The following DYNC1I1 variants were observed in gnomAD, a reference collection of about 807,000 sequenced individuals.
DYNC1I1 encodes cytoplasmic dynein 1 intermediate chain 1.
A neutral mutation model predicts 86.6 loss-of-function variants in DYNC1I1; 43 were observed. That is an observed-to-expected ratio of 0.50 (90% CI 0.39 to 0.64). The LOEUF is 0.64. Ranked by LOEUF, DYNC1I1 falls within the 30% of genes least tolerant of loss-of-function variation. The probability of loss-of-function intolerance (pLI) is 0.00; values close to 1 mark genes in which losing one functional copy is unlikely to be tolerated. For synonymous variants in DYNC1I1, 262 were observed against 283.7 expected, an observed-to-expected ratio of 0.92 and a Z score of 0.77; for missense variants, 604 against 788.8, an observed-to-expected ratio of 0.77 and a Z score of 2.81.
chr7:96,073,914 G>A (rs991755350), intron 14 of DYNC1I1, among the ~76,000 whole-genome samples: 3 of 152,126 alleles, frequency 2.0e-5, no homozygotes, highest in Admixed American at 6.5e-5. Flanking sequence ...AGGTGTCATT[G>A]GACAGTTAGG....
At chr7:95,941,126 C>T (rs1191986892) in intron 6 of DYNC1I1, among the ~76,000 whole-genome samples, 4 of 152,128 alleles carry the variant, frequency 2.6e-5, no homozygotes, top group East Asian at 1.9e-4. Flanking sequence ...TTTCGTGAAC[C>T]GCCTATGCTG....
intron 5 of DYNC1I1, among the ~76,000 whole-genome samples, chr7:95,833,627 G>C (rs1204743188): frequency 2.0e-5 from 3 of 149,190 alleles, no homozygotes; most frequent in Non-Finnish European, 3.0e-5. Context: ...CCATTTGTTT[G>C]TATCCTCTTT....
At chr7:96,102,703 C>T (rs1791153310), downstream of DYNC1I1, among the ~76,000 whole-genome samples, 1 of 152,160 alleles carries the variant, frequency 6.6e-6, no homozygotes, top group Non-Finnish European at 1.5e-5. Flanking sequence ...GCCATAAAAT[C>T]AGCAGATGCT....
chr7:95,790,661 T>A (rs1382450836), intron 1 of DYNC1I1, among the ~76,000 whole-genome samples: 3 of 152,178 alleles, frequency 2.0e-5, no homozygotes, highest in Non-Finnish European at 4.4e-5. Context: ...AGTGGGTGAC[T>A]ATGGCGAAGA....
chr7:95,794,962 T>C (rs1794399785), intron 1 of DYNC1I1, among the ~76,000 whole-genome samples: 1 of 152,206 alleles, frequency 6.6e-6, no homozygotes, highest in South Asian at 2.1e-4. Flanking sequence ...AAATAGTAGT[T>C]CTCTACAGCC....
chr7:96,085,017 A>T (rs1341184470), intron 16 of DYNC1I1, among the ~76,000 whole-genome samples: 2 of 152,146 alleles, frequency 1.3e-5, no homozygotes, highest in African/African-American at 4.8e-5. Context: ...TGATGGAAAC[A>T]TCTCCATTCA....
chr7:95,798,807 C>T (rs1794507989), intron 1 of DYNC1I1, among the ~76,000 whole-genome samples: 1 of 152,190 alleles, frequency 6.6e-6, no homozygotes. Context: ...TGCATCTCCT[C>T]TGCTAGACAC....
chr7:95,870,083 C>T, intron 6 of DYNC1I1, 85 bp downstream of exon 6: 1 of 1,158,520 alleles, frequency 8.6e-7, no homozygotes, highest in African/African-American at 1.6e-5. Flanking sequence ...TTTCCTCTTA[C>T]CATAAGAGCT....
chr7:96,039,297 T>C lies in DYNC1I1; in HGVS notation c.1385T>C (p.Val462Ala). The C allele has an allele frequency of 2.5e-6, 4 of 1,613,936 alleles. No homozygotes were observed. Among genetic ancestry groups the C allele is most frequent in the Non-Finnish European group, 3.4e-6 (4 of 1,179,904 alleles). ...TACAGCAAAGCAGGTATTGGTGAGGTCTTTGAAGGTCACCAAGGGCCAGTG... is the reference window on the plus strand; with the variant it reads ...TACAGCAAAGCAGGTATTGGTGAGGCCTTTGAAGGTCACCAAGGGCCAGTG... ...RHGSKAGIGE[V>A]FEGHQGPVTG... The change falls in exon 14 of 17, where the codon GTC becomes GCC. Residue 462 changes from valine (V) to alanine (A), a missense_variant. Coordinates refer to ENST00000447467, the MANE Select transcript of DYNC1I1 (RefSeq NM_001135556.2).
intron 6 of DYNC1I1, among the ~76,000 whole-genome samples, chr7:95,908,895 T>C (rs1407115366): frequency 6.6e-6 from 1 of 151,972 alleles, no homozygotes; most frequent in Non-Finnish European, 1.5e-5. Context: ...AACAAAAGAC[T>C]ACTTTTAAGA....
intron 6 of DYNC1I1, among the ~76,000 whole-genome samples, chr7:95,969,342 T>C (rs1202967978): frequency 6.6e-6 from 1 of 152,180 alleles, no homozygotes; most frequent in Non-Finnish European, 1.5e-5. Context: ...GCTGCTCTGC[T>C]CTGAGCAATA....
At chr7:95,948,513 A>G (rs319345) in intron 6 of DYNC1I1, among the ~76,000 whole-genome samples, 40,036 of 152,048 alleles carry the variant, frequency 0.26, 5,928 homozygotes, top group East Asian at 0.65. Context: ...GTTAACCTCA[A>G]TGGTTTACTA....
intron 6 of DYNC1I1, among the ~76,000 whole-genome samples, chr7:95,969,198 TA>T (rs768145757): frequency 1.2e-4 from 18 of 152,274 alleles, no homozygotes; most frequent in East Asian, 3.9e-4. Context: ...CTTCAGTGGC[TA>T]AAGAATCCAT....
At chr7:95,803,245 G>T (rs1794623828) in intron 1 of DYNC1I1, among the ~76,000 whole-genome samples, 1 of 152,216 alleles carries the variant, frequency 6.6e-6, no homozygotes, top group Non-Finnish European at 1.5e-5. Context: ...TGATCAATAA[G>T]CCAAGATCTC....
At chr7:95,949,344 G>T (rs1792490974) in intron 6 of DYNC1I1, among the ~76,000 whole-genome samples, 1 of 152,212 alleles carries the variant, frequency 6.6e-6, no homozygotes, top group South Asian at 2.1e-4. Context: ...ACTCATCCTT[G>T]GAGCACTAAG....
intron 16 of DYNC1I1, among the ~76,000 whole-genome samples, chr7:96,107,421 A>T (rs1442554910): frequency 2.6e-5 from 4 of 152,064 alleles, no homozygotes; most frequent in Admixed American, 2.6e-4. Flanking sequence ...TTATTATGAA[A>T]TCACCCTCTG....
chr7:95,971,653 G>C (rs1187811736), intron 6 of DYNC1I1, among the ~76,000 whole-genome samples: 2 of 151,986 alleles, frequency 1.3e-5, no homozygotes. Context: ...AAGCCACAAC[G>C]TATTTGATCA....
intron 5 of DYNC1I1, among the ~76,000 whole-genome samples, chr7:95,838,508 T>G (rs1171308364): frequency 6.6e-6 from 1 of 152,218 alleles, no homozygotes; most frequent in East Asian, 1.9e-4. Flanking sequence ...TAAAGATTGC[T>G]TTGGTTATTC....
chr7:96,108,208 T>A (rs2116356699), intron 16 of DYNC1I1, among the ~76,000 whole-genome samples: 1 of 152,270 alleles, frequency 6.6e-6, no homozygotes, highest in East Asian at 1.9e-4. Context: ...AATCATGATT[T>A]TCTTTTTAAT....
Sources: gnomAD v4.1 joint callset for allele counts (sites outside exome capture counted in the v4.1 genomes callset) on GRCh38, gnomAD v4.1.1 for gene constraint, MANE v1.5 for transcripts, NCBI Gene and HGNC (gene_info 2026-07-23, HGNC 2026-07-21) for gene names.